The following PADI3 variants were observed in gnomAD, a reference collection of about 807,000 sequenced individuals.
The protein encoded by PADI3 is protein-arginine deiminase type-3.
In PADI3, 53 loss-of-function variants were observed where a neutral mutation model predicts 71.5. The ratio of observed to expected loss-of-function variants is 0.74; its 90% CI spans 0.59 to 0.93. The LOEUF is 0.93. Among genes scored for constraint, PADI3 ranks in the 40% least tolerant of loss-of-function variants. The pLI, the probability that PADI3 is intolerant of heterozygous loss-of-function variation, is 0.00. For missense variants in PADI3, 821 were observed against 868.0 expected (o/e 0.95, Z 0.68); for synonymous variants, 361 against 347.5 (o/e 1.04, Z -0.43).
chr1:17,250,298 A>G (rs1327856508), intron 1 of PADI3, among the ~76,000 whole-genome samples: 5 of 152,108 alleles, frequency 3.3e-5, no homozygotes, highest in Non-Finnish European at 7.4e-5. Context: ...CATGGGGGCC[A>G]CCCTGTGCAC....
intron 3 of PADI3, among the ~76,000 whole-genome samples, chr1:17,263,302 A>G (rs539932234): frequency 6.6e-6 from 1 of 152,228 alleles, no homozygotes; most frequent in Admixed American, 6.5e-5. Flanking sequence ...GACAATTTTG[A>G]TGAAGAATAA....
rs1557504894 is a variant in PADI3, at chr1:17,266,745, G to T, written c.435G>T (p.Gly145=). 7 of 1,614,052 alleles carry T rather than the reference G, an allele frequency of 4.3e-6. No individual in the cohort carries two copies. The Admixed American group carries it at 1.0e-4, about 23-fold the overall frequency. Residue 145 remains glycine, a synonymous_variant, in exon 5 of 16, where the codon GGG becomes GGT. Coordinates refer to ENST00000375460, the MANE Select transcript of PADI3 (RefSeq NM_016233.2). The part of the protein sequence containing the change: ...DKRQWVWGPS[G]YGGILLVNCD... ...GGCAGTGGGTCTGGGGGCCCAGTGG[G>T]TATGGCGGCATCTTGCTGGTGAACT...
chr1:17,264,634 C>T (rs917565786), intron 3 of PADI3, among the ~76,000 whole-genome samples: 3 of 152,156 alleles, frequency 2.0e-5, no homozygotes, highest in East Asian at 1.9e-4. Flanking sequence ...TGTTCTTTTG[C>T]GTTGGGCGTC....
At chr1:17,265,800 T>C in intron 4 of PADI3, 80 bp downstream of exon 4, 1 of 1,239,484 alleles carries the variant, frequency 8.1e-7, no homozygotes, top group Non-Finnish European at 1.2e-6. Context: ...GATGAGGCCA[T>C]TACAGATATC....
At chr1:17,266,191 A>G (rs1402856319) in intron 4 of PADI3, among the ~76,000 whole-genome samples, 1 of 152,230 alleles carries the variant, frequency 6.6e-6, no homozygotes, top group Non-Finnish European at 1.5e-5. Context: ...TAATGTGCTG[A>G]TCCTGACCTA....
intron 1 of PADI3, among the ~76,000 whole-genome samples, chr1:17,258,910 T>C (rs375962639): frequency 3.9e-5 from 6 of 152,218 alleles, no homozygotes; most frequent in Non-Finnish European, 7.3e-5. Flanking sequence ...CAATGGCTGG[T>C]GTTCACTGAG....
intron 3 of PADI3, among the ~76,000 whole-genome samples, chr1:17,265,272 G>A (rs753741554): frequency 2.6e-5 from 4 of 152,114 alleles, no homozygotes; most frequent in African/African-American, 9.7e-5. Flanking sequence ...ACCTGGGTTT[G>A]TGTTCACATC....
intron 1 of PADI3, among the ~76,000 whole-genome samples, chr1:17,252,890 G>A (rs1385623307): frequency 1.3e-5 from 2 of 152,110 alleles, no homozygotes; most frequent in African/African-American, 2.4e-5. Flanking sequence ...GTGGCTGAGG[G>A]GCCCGCGAAG....
chr1:17,249,367 T>G, intron 1 of PADI3, 138 bp downstream of exon 1: 1 of 713,182 alleles, frequency 1.4e-6, no homozygotes, highest in East Asian at 2.6e-5. Context: ...CAGGGAAGCT[T>G]GGGTCCTCCT....
chr1:17,265,588 G>C (rs1354460292), intron 3 of PADI3, 71 bp from the exon 4 acceptor site: 1 of 1,353,616 alleles, frequency 7.4e-7, no homozygotes, highest in Non-Finnish European at 1.1e-6. Context: ...CCCCAGACAA[G>C]CCCTGAGATC....
intron 13 of PADI3, among the ~76,000 whole-genome samples, chr1:17,279,555 G>A (rs991486592): frequency 3.3e-5 from 5 of 152,162 alleles, no homozygotes; most frequent in Admixed American, 2.6e-4. Flanking sequence ...GGCCCTGTGC[G>A]AGCCCTGGGC....
chr1:17,270,650 T>A (rs2073234994), intron 7 of PADI3, among the ~76,000 whole-genome samples: 1 of 151,764 alleles, frequency 6.6e-6, no homozygotes, highest in African/African-American at 2.4e-5. Context: ...AGACCCTGTC[T>A]CCAAAAAATA....
intron 9 of PADI3, among the ~76,000 whole-genome samples, chr1:17,272,080 T>C (rs75197044): frequency 0.056 from 8,462 of 152,180 alleles, 242 homozygotes; most frequent in Non-Finnish European, 0.066. Context: ...TTTCATCTTC[T>C]TGATAACCCC....
chr1:17,281,827 G>A (rs530141810), intron 15 of PADI3, among the ~76,000 whole-genome samples: 23 of 152,204 alleles, frequency 1.5e-4, no homozygotes, highest in South Asian at 6.2e-4. Context: ...TGATTCAGCA[G>A]GTCTAAAGCA....
At chr1:17,252,086 TGGGGG>T in intron 1 of PADI3, among the ~76,000 whole-genome samples, 1 of 152,220 alleles carries the variant, frequency 6.6e-6, no homozygotes, top group East Asian at 1.9e-4. Context: ...AGGCATGGTA[TGGGGG>T]CTTTTCTTTC....
chr1:17,280,953 T>C (rs992488990), intron 15 of PADI3, among the ~76,000 whole-genome samples, 157 bp downstream of exon 15: 3 of 152,204 alleles, frequency 2.0e-5, no homozygotes, highest in Non-Finnish European at 2.9e-5. Flanking sequence ...CAGAAGGGCT[T>C]CTAGCTGGCT....
At chr1:17,260,792 G>A (rs1469540822) in intron 2 of PADI3, among the ~76,000 whole-genome samples, 1 of 152,198 alleles carries the variant, frequency 6.6e-6, no homozygotes, top group Non-Finnish European at 1.5e-5. Context: ...GAGCTGGTGA[G>A]AGTCAGGACA....
intron 6 of PADI3, among the ~76,000 whole-genome samples, chr1:17,268,425 C>G (rs1427473681): frequency 6.8e-6 from 1 of 147,032 alleles, no homozygotes; most frequent in African/African-American, 2.5e-5. Context: ...CATAGTCTGC[C>G]AAAATCACAA....
In PADI3 at chr1:17,280,845, T is replaced by C. The variant is rs181911493; in HGVS notation, c.1761+49T>C. The C allele has an allele frequency of 3.7e-6, 6 of 1,602,102 alleles. No individual in the cohort carries two copies. The East Asian group carries it at 1.1e-4, about 30-fold the overall frequency. Reference sequence around the variant, plus strand: ...TTTGCCAAATCAGGCTGCAAACCTCTAAGCTCGAGAGAGGAAAAATGTCTG... The same window carrying C: ...TTTGCCAAATCAGGCTGCAAACCTCCAAGCTCGAGAGAGGAAAAATGTCTG... On this transcript the variant is annotated intron_variant, in intron 15 of 15. Transcript: ENST00000375460.
Sources: gnomAD v4.1 joint callset for allele counts (sites outside exome capture counted in the v4.1 genomes callset) on GRCh38, gnomAD v4.1.1 for gene constraint, MANE v1.5 for transcripts, NCBI Gene and HGNC (gene_info 2026-07-23, HGNC 2026-07-21) for gene names.